The following HUNK variants were observed in gnomAD, a reference collection of about 807,000 sequenced individuals.
HUNK encodes the protein hormonally up-regulated Neu-associated kinase, also known as hormonally up-regulated neu tumor-associated kinase.
In HUNK, 21 loss-of-function variants were observed where a neutral mutation model predicts 61.0. The ratio of observed to expected loss-of-function variants is 0.34; its 90% CI spans 0.24 to 0.50. The LOEUF is 0.50. HUNK is among the 20% of genes least tolerant of loss of function. HUNK has a pLI of 0.98. For missense variants in HUNK, 772 were observed against 945.7 expected (o/e 0.82, Z 2.41); for synonymous variants, 371 against 386.1 (o/e 0.96, Z 0.46).
At chr21:31,883,610 T>G (rs928951275) in intron 1 of HUNK, among the ~76,000 whole-genome samples, 2 of 152,192 alleles carry the variant, frequency 1.3e-5, no homozygotes, top group African/African-American at 4.8e-5. Flanking sequence ...TTCTTGCCAT[T>G]TGCAGAAGTT....
intron 9 of HUNK, among the ~76,000 whole-genome samples, chr21:31,990,463 A>C (rs2053164542): frequency 6.6e-6 from 1 of 151,206 alleles, no homozygotes; most frequent in South Asian, 2.1e-4. Flanking sequence ...GATGAGACCC[A>C]CCCACATTAT....
intron 4 of HUNK, among the ~76,000 whole-genome samples, chr21:31,951,064 C>T (rs377291108): frequency 2.6e-5 from 4 of 151,950 alleles, no homozygotes; most frequent in East Asian, 3.9e-4. Flanking sequence ...TGGGAAATGG[C>T]GCGCTTTCTT....
In HUNK at chr21:31,983,561, C is replaced by G. The variant is rs781020659; in HGVS notation, c.1209C>G (p.Thr403=). 6.2e-7 allele frequency: 1 copy of G among 1,613,810 alleles called. No individual in the cohort carries two copies. Among genetic ancestry groups the G allele is most frequent in the South Asian group, 1.1e-5 (1 of 91,054 alleles). The change falls in exon 8 of 11, where the codon ACC becomes ACG. Residue 403 remains threonine (T), a synonymous_variant. Coordinates refer to ENST00000270112, the MANE Select transcript of HUNK (RefSeq NM_014586.2). The part of the protein sequence containing the change: ...SDIQDSLCYK[T]RLYQIEKYRA... ...TCCAGGACAGCCTCTGCTACAAGAC[C>G]CGGCTCTACCAGATAGAAAAGTACA... is the stretch of plus-strand genomic sequence containing the variant.
Position 31,873,890 on chromosome 21 carries a change from CT to C in HUNK, c.219del (p.Phe73LeufsTer11). On this transcript the variant is annotated frameshift_variant, in exon 1 of 11. Coordinates refer to ENST00000270112, the MANE Select transcript of HUNK (RefSeq NM_014586.2). LOFTEE classifies it high-confidence loss of function. The surrounding 1 kb of genome is among the most constrained non-coding windows in gnomAD (Gnocchi z 6.1). ...GCAGCAGGAAGCTGGGCGAGGGCTCCTTTGCCAAGGTGCGCGAGGGGCTGCA... is the reference window on the plus strand; with the variant it reads ...GCAGCAGGAAGCTGGGCGAGGGCTCCTTGCCAAGGTGCGCGAGGGGCTGCA... The part of the protein sequence containing the change: ...IGSRKLGEGS[F>X]AKVREGLHVL... 6.3e-7 allele frequency: 1 copy of C among 1,585,936 alleles called. No individual in the cohort carries two copies. The highest frequency in any genetic ancestry group is 1.7e-5 in the Admixed American group (1 of 57,496).
At chr21:31,929,537 A>G (rs973688361) in intron 2 of HUNK, among the ~76,000 whole-genome samples, 1 of 152,254 alleles carries the variant, frequency 6.6e-6, no homozygotes, top group Admixed American at 6.5e-5. Flanking sequence ...CTTAACGTGA[A>G]TCACCAAGAA....
intron 1 of HUNK, among the ~76,000 whole-genome samples, chr21:31,874,176 A>G (rs1274773932): frequency 6.6e-6 from 1 of 151,554 alleles, no homozygotes; most frequent in Non-Finnish European, 1.5e-5. Flanking sequence ...TTGCCCCGGG[A>G]AGCGTCCCGC....
chr21:31,960,732 G>A (rs1334953650), intron 5 of HUNK, among the ~76,000 whole-genome samples: 2 of 152,142 alleles, frequency 1.3e-5, no homozygotes, highest in Admixed American at 6.5e-5. Flanking sequence ...ACTACCATGA[G>A]AACAGCATGA....
At chr21:31,927,315 T>G (rs1210480669) in intron 2 of HUNK, among the ~76,000 whole-genome samples, 3 of 151,946 alleles carry the variant, frequency 2.0e-5, no homozygotes, top group Non-Finnish European at 4.4e-5. Flanking sequence ...AGTGCTGGGA[T>G]TACAGGTGTG....
chr21:31,998,272 G>A (rs56398548), intron 10 of HUNK, among the ~76,000 whole-genome samples: 31 of 152,172 alleles, frequency 2.0e-4, no homozygotes, highest in Non-Finnish European at 3.2e-4. Flanking sequence ...GGGGCCATGA[G>A]GCAAATTGGA....
At chr21:31,990,094 A>G in intron 8 of HUNK, 35 bp from the exon 9 acceptor site, 1 of 1,598,832 alleles carries the variant, frequency 6.3e-7, no homozygotes, top group Admixed American at 1.7e-5. Flanking sequence ...GCAGGTGCAG[A>G]TTCTCGAATT....
intron 2 of HUNK, among the ~76,000 whole-genome samples, chr21:31,934,117 A>G (rs571466627): frequency 3.9e-4 from 59 of 152,204 alleles, no homozygotes; most frequent in African/African-American, 1.3e-3. Flanking sequence ...AGTATTCTGG[A>G]TAATATAGGC....
At chr21:31,877,225 T>TG (rs1022636028) in intron 1 of HUNK, among the ~76,000 whole-genome samples, 1 of 152,110 alleles carries the variant, frequency 6.6e-6, no homozygotes, top group East Asian at 1.9e-4. Flanking sequence ...GCATTTGGTA[T>TG]GGGGGTGTGT....
At chr21:31,909,691 T>G (rs1340313425) in intron 1 of HUNK, among the ~76,000 whole-genome samples, 1 of 152,214 alleles carries the variant, frequency 6.6e-6, no homozygotes, top group Non-Finnish European at 1.5e-5. Context: ...GGGATGTGTG[T>G]GTTTGCTGTC....
At chr21:31,985,781 G>A (rs1197569252) in intron 8 of HUNK, among the ~76,000 whole-genome samples, 1 of 152,160 alleles carries the variant, frequency 6.6e-6, no homozygotes, top group Non-Finnish European at 1.5e-5. Context: ...GCAGAAGAGA[G>A]GTTGCATGGA....
chr21:31,874,341 G>GT (rs1454531759), intron 1 of HUNK, among the ~76,000 whole-genome samples: 1 of 149,730 alleles, frequency 6.7e-6, no homozygotes, highest in Non-Finnish European at 1.5e-5. Flanking sequence ...GGGGGGCGGG[G>GT]GGGGCAGGAA....
chr21:31,905,778 C>T (rs935975803), intron 1 of HUNK, among the ~76,000 whole-genome samples: 2 of 152,234 alleles, frequency 1.3e-5, no homozygotes, highest in African/African-American at 4.8e-5. Flanking sequence ...TTTTCCCTTT[C>T]TCATGAACAC....
intron 7 of HUNK, among the ~76,000 whole-genome samples, chr21:31,978,223 T>C (rs1437402856): frequency 2.6e-5 from 4 of 152,226 alleles, no homozygotes; most frequent in Admixed American, 2.6e-4. Flanking sequence ...ATGGTATATA[T>C]TTATCCTGTA....
At chr21:31,919,141 C>A (rs185231905) in intron 1 of HUNK, among the ~76,000 whole-genome samples, 1 of 70,094 alleles carries the variant, frequency 1.4e-5, no homozygotes, top group East Asian at 4.0e-4. Flanking sequence ...CTGGACTGAG[C>A]GGTATGAGGA....
intron 1 of HUNK, 78 bp downstream of exon 1, chr21:31,874,013 TG>T (rs2052237842): frequency 8.5e-7 from 1 of 1,171,410 alleles, no homozygotes; most frequent in Middle Eastern, 3.0e-4. Context: ...AGCACTGCAC[TG>T]GGAGTCCCAG....
Sources: allele counts gnomAD v4.1 joint callset (sites outside exome capture counted in the v4.1 genomes callset), GRCh38; gene constraint gnomAD v4.1.1; non-coding constraint Gnocchi (gnomAD v3.1); transcripts MANE v1.5; gene names NCBI Gene and HGNC (gene_info 2026-07-23, HGNC 2026-07-21).